The following CCDC6 variants were observed in gnomAD, a reference collection of about 807,000 sequenced individuals.
The protein encoded by CCDC6 is coiled-coil domain-containing protein 6.
CCDC6 carries 20 observed loss-of-function variants against 56.6 expected under a neutral mutation model. The ratio of observed to expected loss-of-function variants is 0.35; its 90% CI spans 0.25 to 0.51. The LOEUF is 0.51. Among genes scored for constraint, CCDC6 ranks in the 20% least tolerant of loss-of-function variants. CCDC6 has a pLI of 0.95. For missense variants in CCDC6, 367 were observed against 601.1 expected (o/e 0.61, Z 4.07); for synonymous variants, 241 against 234.4 (o/e 1.03, Z -0.26).
intron 7 of CCDC6, among the ~76,000 whole-genome samples, chr10:59,798,076 T>C (rs374237789): frequency 3.3e-5 from 5 of 152,348 alleles, no homozygotes; most frequent in African/African-American, 1.2e-4. Flanking sequence ...TGCACAAATG[T>C]GGCTAGCTTT....
Position 59,870,004 on chromosome 10 carries a change from A to G in CCDC6, c.304-17302T>C, listed in dbSNP as rs138392670. 8.4e-3 allele frequency among the ~76,000 whole-genome samples: 1,276 copies of G among 152,262 alleles called. 15 individuals are homozygous for G. Among genetic ancestry groups the G allele is most frequent in the African/African-American group, 0.029 (1,194 of 41,550 alleles). ...CCTGAAGAGGCTGTCTCAGCCATCA[A>G]ACCTAAAGAGCCCTCACCACCATTC... On this transcript the variant is annotated intron_variant, in intron 1 of 8. Coordinates refer to ENST00000263102, the MANE Select transcript of CCDC6 (RefSeq NM_005436.5).
intron 1 of CCDC6, among the ~76,000 whole-genome samples, chr10:59,889,059 G>A (rs1311939001): frequency 6.6e-6 from 1 of 151,974 alleles, no homozygotes; most frequent in Non-Finnish European, 1.5e-5. Context: ...ACCCACGCAC[G>A]CTTCACCCAT....
chr10:59,872,814 G>A (rs1308682984), intron 1 of CCDC6, among the ~76,000 whole-genome samples: 1 of 151,090 alleles, frequency 6.6e-6, no homozygotes, highest in African/African-American at 2.4e-5. Context: ...ATTAGAAAGT[G>A]CATAAGCAGT....
At chr10:59,891,866 T>C (rs1005715705) in intron 1 of CCDC6, among the ~76,000 whole-genome samples, 11 of 152,172 alleles carry the variant, frequency 7.2e-5, no homozygotes, top group Non-Finnish European at 1.5e-4. Flanking sequence ...AAAATATTAA[T>C]AGTAGTTTGG....
intron 2 of CCDC6, among the ~76,000 whole-genome samples, chr10:59,851,387 C>T (rs1740359468): frequency 6.6e-6 from 1 of 152,130 alleles, no homozygotes; most frequent in Non-Finnish European, 1.5e-5. Flanking sequence ...CTATAAATCT[C>T]TGCTAGACAG....
At chr10:59,897,964 T>C (rs1429382052) in intron 1 of CCDC6, among the ~76,000 whole-genome samples, 1 of 152,196 alleles carries the variant, frequency 6.6e-6, no homozygotes, top group African/African-American at 2.4e-5. Context: ...CAGATCACTT[T>C]GGACACACAC....
Position 59,802,191 on chromosome 10 carries a change from G to A in CCDC6, c.1105+2229C>T, listed in dbSNP as rs73263415. Reference sequence around the variant, plus strand: ...ATAAAAGCAGTCCAAATATAATAAAGATGATGCTCTTTCTTAGTTTTAGGC... The same window carrying A: ...ATAAAAGCAGTCCAAATATAATAAAAATGATGCTCTTTCTTAGTTTTAGGC... On this transcript the variant is annotated intron_variant, in intron 7 of 8. Transcript: ENST00000263102. Among the ~76,000 whole-genome samples, 1,455 of 152,192 alleles carry A rather than the reference G, an allele frequency of 9.6e-3. 33 individuals carry two copies. Among genetic ancestry groups the A allele is most frequent in the African/African-American group, 0.033 (1,376 of 41,520 alleles).
chr10:59,857,055 T>C (rs746470185), intron 1 of CCDC6, among the ~76,000 whole-genome samples: 3 of 152,214 alleles, frequency 2.0e-5, no homozygotes, highest in Non-Finnish European at 2.9e-5. Context: ...ATTATTTGTG[T>C]AATTTAAAAC....
chr10:59,803,057 A>G (rs1422037988), intron 7 of CCDC6, among the ~76,000 whole-genome samples: 3 of 152,202 alleles, frequency 2.0e-5, no homozygotes, highest in Non-Finnish European at 1.5e-5. Context: ...CCCAAGTGCT[A>G]TTTTGGGAAA....
intron 1 of CCDC6, among the ~76,000 whole-genome samples, chr10:59,894,435 T>C (rs1401452317): frequency 1.2e-4 from 19 of 152,292 alleles, no homozygotes. Context: ...ATCTCCTCAT[T>C]CCAGAGCCTG....
intron 3 of CCDC6, among the ~76,000 whole-genome samples, chr10:59,824,278 C>A (rs1407626166): frequency 6.6e-6 from 1 of 152,088 alleles, no homozygotes; most frequent in East Asian, 1.9e-4. Flanking sequence ...GGAGTTGGCA[C>A]CCCTAAGTTG....
intron 1 of CCDC6, among the ~76,000 whole-genome samples, chr10:59,866,649 G>A (rs1183841828): frequency 5.3e-5 from 8 of 152,132 alleles, no homozygotes; most frequent in African/African-American, 1.4e-4. Flanking sequence ...CTAGCTCAGA[G>A]AGGTCAAGCA....
intron 1 of CCDC6, among the ~76,000 whole-genome samples, chr10:59,887,063 C>T (rs2071387982): frequency 6.6e-6 from 1 of 152,140 alleles, no homozygotes; most frequent in Admixed American, 6.5e-5. Context: ...ATTCGAATTA[C>T]ACATATATAG....
At chr10:59,901,484 C>T (rs916583616) in intron 1 of CCDC6, among the ~76,000 whole-genome samples, 3 of 152,146 alleles carry the variant, frequency 2.0e-5, no homozygotes, top group African/African-American at 7.2e-5. Context: ...TTTAAAATAG[C>T]CAGGTTTTCT....
At chr10:59,904,712 C>T (rs564411926) in intron 1 of CCDC6, among the ~76,000 whole-genome samples, 1 of 152,340 alleles carries the variant, frequency 6.6e-6, no homozygotes, top group South Asian at 2.1e-4. Flanking sequence ...TGCTCCAATT[C>T]CATTCTCCAA....
intron 5 of CCDC6, among the ~76,000 whole-genome samples, chr10:59,808,073 T>C (rs1318034114): frequency 6.6e-6 from 1 of 152,164 alleles, no homozygotes; most frequent in African/African-American, 2.4e-5. Flanking sequence ...AAGTCCTGTA[T>C]ATAGCTGGCA....
chr10:59,896,835 G>A (rs1222814930), intron 1 of CCDC6, among the ~76,000 whole-genome samples: 1 of 152,074 alleles, frequency 6.6e-6, no homozygotes, highest in Non-Finnish European at 1.5e-5. Context: ...ATTATATGTT[G>A]TGTATGTTTT....
rs1325279922 is a variant in CCDC6 at position 59,789,224 on chromosome 10, T to C, written c.*3693A>G. 4.3e-6 allele frequency: 1 copy of C among 231,168 alleles called. No individual in the cohort carries two copies. The highest frequency in any genetic ancestry group is 8.6e-6 in the Non-Finnish European group (1 of 116,658). The allele number at this position is 231,168 out of a possible 1,614,324, so 14.3% of individuals were successfully genotyped here. A position where few individuals can be genotyped will look rare whatever the true frequency, so the allele number is the denominator to read the frequency against. ...AATCTAGATGACGGTGCAGACTAAGTCAAGAACTAAAGTTGTGCAGTAACC... is the reference window on the plus strand; with the variant it reads ...AATCTAGATGACGGTGCAGACTAAGCCAAGAACTAAAGTTGTGCAGTAACC... On this transcript the variant is annotated 3_prime_UTR_variant, in exon 9 of 9. Transcript: ENST00000263102.
intron 1 of CCDC6, among the ~76,000 whole-genome samples, chr10:59,891,141 G>A (rs1714214411): frequency 6.6e-6 from 1 of 152,142 alleles, no homozygotes; most frequent in Non-Finnish European, 1.5e-5. Flanking sequence ...TGCAACATGT[G>A]GGACATATGT....
Sources: allele counts gnomAD v4.1 joint callset (sites outside exome capture counted in the v4.1 genomes callset), GRCh38; gene constraint gnomAD v4.1.1; transcripts MANE v1.5; gene names NCBI Gene and HGNC (gene_info 2026-07-23, HGNC 2026-07-21).